The following ANKRD36B variants were observed in gnomAD, a reference collection of about 807,000 sequenced individuals.
ANKRD36B encodes the protein ankyrin repeat domain-containing protein 36B.
Under a neutral mutation model 135.7 loss-of-function variants are expected in ANKRD36B, and 37 were observed. The observed-to-expected ratio is 0.27, with a 90% CI of 0.21 to 0.36. ANKRD36B has a LOEUF of 0.36. Among genes scored for constraint, ANKRD36B ranks in the 10% least tolerant of loss-of-function variants. The probability of loss-of-function intolerance (pLI) is 1.00; values close to 1 mark genes in which losing one functional copy is unlikely to be tolerated. For synonymous variants in ANKRD36B, 179 were observed against 348.1 expected (o/e 0.51, Z 5.41); for missense variants, 549 against 1,037.1 (o/e 0.53, Z 6.46).
At chr2:97,555,022 G>T (rs1159104539) in intron 14 of ANKRD36B, 38 bp downstream of exon 14, 1 of 1,603,566 alleles carries the variant, frequency 6.2e-7, no homozygotes, top group African/African-American at 1.3e-5. Flanking sequence ...TTTTCTATCT[G>T]GACTGAACAT....
At chr2:97,555,646 C>G (rs1270321747) in intron 12 of ANKRD36B, among the ~76,000 whole-genome samples, 1 of 151,936 alleles carries the variant, frequency 6.6e-6, no homozygotes, top group African/African-American at 2.4e-5. Context: ...AAAGGATTTA[C>G]ACTAGTATAC....
At chr2:97,588,358 T>C (rs2083173445) in intron 1 of ANKRD36B, among the ~76,000 whole-genome samples, 1 of 151,946 alleles carries the variant, frequency 6.6e-6, no homozygotes, top group South Asian at 2.1e-4. Flanking sequence ...TACTTGTAAT[T>C]GCGGCAAAAA....
intron 6 of ANKRD36B, 26 bp from the exon 7 acceptor site, chr2:97,560,886 C>T: frequency 6.5e-7 from 1 of 1,538,454 alleles, no homozygotes; most frequent in Non-Finnish European, 8.8e-7. Flanking sequence ...GATACATAAT[C>T]AATCATATGT....
chr2:97,567,114 T>C (rs2443897), intron 6 of ANKRD36B, among the ~76,000 whole-genome samples: 106 of 152,134 alleles, frequency 7.0e-4, no homozygotes, highest in East Asian at 1.2e-3. Flanking sequence ...TTACCAGTTT[T>C]TTATAAAGAA....
At chr2:97,572,271 G>C (rs1190318898) in intron 6 of ANKRD36B, among the ~76,000 whole-genome samples, 1 of 123,110 alleles carries the variant, frequency 8.1e-6, no homozygotes, top group Non-Finnish European at 1.8e-5. Context: ...AACAGCAAAA[G>C]ACTCAATCTC....
intron 4 of ANKRD36B, 124 bp downstream of exon 4, chr2:97,580,338 A>G (rs2082547892): frequency 2.5e-6 from 2 of 811,880 alleles, no homozygotes; most frequent in African/African-American, 1.8e-5. Flanking sequence ...GATATTTCTC[A>G]CTATATCCCA....
chr2:97,566,577 G>A (rs948643072), intron 6 of ANKRD36B, among the ~76,000 whole-genome samples: 1 of 151,976 alleles, frequency 6.6e-6, no homozygotes, highest in African/African-American at 2.4e-5. Context: ...TCAAAATTTG[G>A]TTTATCTTAC....
intron 5 of ANKRD36B, among the ~76,000 whole-genome samples, chr2:97,577,141 C>A (rs1394446198): frequency 1.3e-5 from 2 of 149,516 alleles, no homozygotes; most frequent in Non-Finnish European, 3.0e-5. Flanking sequence ...TCATCAATTC[C>A]AAGGGCAGAA....
intron 30 of ANKRD36B, among the ~76,000 whole-genome samples, chr2:97,539,409 C>T (rs1437130418): frequency 1.0e-5 from 1 of 96,750 alleles, no homozygotes; most frequent in African/African-American, 3.1e-5. Context: ...TGGTTTATCC[C>T]AATTCTAGGA....
At chr2:97,549,723 A>G in intron 18 of ANKRD36B, 109 bp from the exon 19 acceptor site, 2 of 1,560,936 alleles carry the variant, frequency 1.3e-6, no homozygotes, top group Non-Finnish European at 1.7e-6. Flanking sequence ...GTATTAGCGT[A>G]GGCTTTGATG....
chr2:97,523,536 G>T lies in ANKRD36B; in HGVS notation c.2266-69C>A. ...TATAGCATATACTAAATGTACAGAA[G>T]TGGGAATTGCCCATCTGTTTCTATG... On this transcript the variant is annotated intron_variant, in intron 35 of 43. Transcript: ENST00000359901. 3 of 896,228 alleles carry T rather than the reference G, an allele frequency of 3.3e-6. 1 individual carries two copies. In the East Asian group the frequency reaches 8.4e-5, roughly 25 times the overall value. 55.5% of individuals were successfully genotyped at this position (896,228 alleles called of 1,614,324 possible).
At chr2:97,496,825 A>ATG (rs79741024) in intron 43 of ANKRD36B, among the ~76,000 whole-genome samples, 9,321 of 68,758 alleles carry the variant, frequency 0.14, 3,125 homozygotes, top group Middle Eastern at 0.3. Flanking sequence ...GTATGTATAT[A>ATG]TGTGTGTGTA....
At chr2:97,568,931 C>T (rs1335983297) in intron 6 of ANKRD36B, among the ~76,000 whole-genome samples, 1 of 152,126 alleles carries the variant, frequency 6.6e-6, no homozygotes, top group African/African-American at 2.4e-5. Context: ...AAAGTGATCG[C>T]TCAAAGAAAG....
rs76987115 is a variant in ANKRD36B at position 97,589,828 on chromosome 2, G to A, written c.-143C>T. 2.5e-3 allele frequency: 3,127 copies of A among 1,239,888 alleles called. 83 individuals carry two copies. In the African/African-American group the frequency reaches 0.037, roughly 15 times the overall value. The allele number at this position is 1,239,888 out of a possible 1,614,324, so 76.8% of individuals were successfully genotyped here. On this transcript the variant is annotated 5_prime_UTR_variant, in exon 1 of 44. Coordinates refer to ENST00000359901, the MANE Select transcript of ANKRD36B (RefSeq NM_001393939.1). The stretch of plus-strand genomic sequence containing the variant: ...CAAAGCAGTCTGTGCACGGACCTCC[G>A]CGCAGACTCTCAGCGCCTCCCGCCT...
chr2:97,587,939 GT>G (rs2083135492), intron 1 of ANKRD36B, among the ~76,000 whole-genome samples: 2 of 151,858 alleles, frequency 1.3e-5, no homozygotes, highest in South Asian at 2.1e-4. Context: ...TTAAATGAGA[GT>G]TCTTGTTTAT....
intron 6 of ANKRD36B, among the ~76,000 whole-genome samples, chr2:97,574,833 A>C (rs1327104493): frequency 3.9e-5 from 6 of 151,984 alleles, no homozygotes; most frequent in Non-Finnish European, 5.9e-5. Flanking sequence ...AGGTTTTGAC[A>C]ATTCTGTAAA....
At chr2:97,552,103 T>C (rs1470034106) in intron 16 of ANKRD36B, among the ~76,000 whole-genome samples, 2 of 151,968 alleles carry the variant, frequency 1.3e-5, no homozygotes, top group Admixed American at 1.3e-4. Context: ...TTGTATCCAC[T>C]AGTTTATCCC....
At chr2:97,577,245 A>C (rs1355847048) in intron 5 of ANKRD36B, among the ~76,000 whole-genome samples, 10 of 139,278 alleles carry the variant, frequency 7.2e-5, no homozygotes, top group Admixed American at 3.7e-4. Context: ...ATGATGGTTC[A>C]TCTCCATCAG....
At chr2:97,560,579 A>T in intron 8 of ANKRD36B, 86 bp downstream of exon 8, 2 of 1,564,966 alleles carry the variant, frequency 1.3e-6, no homozygotes, top group Non-Finnish European at 1.7e-6. Flanking sequence ...TGCAGCTTAT[A>T]TGAACTCCCC....
Sources: allele counts gnomAD v4.1 joint callset (sites outside exome capture counted in the v4.1 genomes callset), GRCh38; gene constraint gnomAD v4.1.1; transcripts MANE v1.5; gene names NCBI Gene and HGNC (gene_info 2026-07-23, HGNC 2026-07-21).